Variants in CLK4 observed in about 807,000 individuals in gnomAD.
CLK4 encodes the protein dual specificity protein kinase CLK4.
A neutral mutation model predicts 64.4 loss-of-function variants in CLK4; 37 were observed. The ratio of observed to expected loss-of-function variants is 0.57; its 90% confidence interval spans 0.44 to 0.76. The LOEUF (loss-of-function observed/expected upper bound fraction) is 0.76. Ranked by LOEUF, CLK4 falls within the 30% of genes least tolerant of loss-of-function variation. The pLI is 0.00. For missense variants in CLK4, 457 were observed against 605.1 expected (o/e 0.76, Z 2.57); for synonymous variants, 175 against 191.6 (o/e 0.91, Z 0.72).
At chr5:178,620,880 G>A (rs1439189000) in intron 2 of CLK4, among the ~76,000 whole-genome samples, 4 of 152,194 alleles carry the variant, frequency 2.6e-5, no homozygotes, top group African/African-American at 9.6e-5. Flanking sequence ...GATGGAAATA[G>A]AGTTGCATCT....
Position 178,618,757 on chromosome 5 carries a change from G to A in CLK4, c.183C>T (p.Ser61=), listed in dbSNP as rs144487014. 9 of 1,612,880 alleles carry A rather than the reference G, an allele frequency of 5.6e-6. No individual in the cohort carries two copies. In the African/African-American group the frequency reaches 1.2e-4, roughly 22 times the overall value. Residue 61 remains serine, a synonymous_variant, in exon 3 of 13, where the codon TCC becomes TCT. Transcript: ENST00000316308. ...GGTCCCGATAATCTCGCTCATTCAA[G>A]GACCTTGCTTCTAAATAATGACTGC... ...ESDCHYLEAR[S]LNERDYRDRR... is the part of the protein sequence containing the mutation.
chr5:178,619,778 A>G, intron 2 of CLK4: 1 of 1,287,258 alleles, frequency 7.8e-7, no homozygotes, highest in Non-Finnish European at 1.0e-6. Context: ...AGTGGCCTTG[A>G]TCTGATGGAA....
At chr5:178,618,843 A>C in intron 2 of CLK4, 65 bp from the exon 3 acceptor site, 1 of 1,312,662 alleles carries the variant, frequency 7.6e-7, no homozygotes, top group South Asian at 1.3e-5. Context: ...TTCAAACAAA[A>C]CATTTTCTCA....
chr5:178,625,492 T>C (rs1274558416), intron 1 of CLK4, among the ~76,000 whole-genome samples: 1 of 150,284 alleles, frequency 6.7e-6, no homozygotes, highest in Non-Finnish European at 1.5e-5. Context: ...TTCCGTCAAA[T>C]ACCAAAGTTG....
At position 178,613,557 on chromosome 5, in the gene CLK4, CG is replaced by C; in HGVS notation, c.741del (p.Tyr247Ter). The C allele has an allele frequency of 1.2e-6, 2 of 1,612,282 alleles. No individual in the cohort carries two copies. The highest frequency in any genetic ancestry group is 1.7e-6 in the Non-Finnish European group (2 of 1,179,314). On this transcript the variant is annotated frameshift_variant, in exon 7 of 13. Transcript: ENST00000316308. LOFTEE classifies it high-confidence loss of function. ...AGAAAGCTGTTTTCTTTAATGAAATCGTAAGTACTAAGTCCCAGTAGTTCAA... is the reference window on the plus strand; with the variant it reads ...AGAAAGCTGTTTTCTTTAATGAAATCTAAGTACTAAGTCCCAGTAGTTCAA... ...IVFELLGLSTYDFIKENSFLP... is the reference protein window; with the variant it reads ...IVFELLGLSTXDFIKENSFLP...
At chr5:178,621,048 A>T (rs1048107064) in intron 2 of CLK4, among the ~76,000 whole-genome samples, 3 of 152,240 alleles carry the variant, frequency 2.0e-5, no homozygotes, top group African/African-American at 7.2e-5. Flanking sequence ...AATCCCAGCA[A>T]GAGCAATTTT....
chr5:178,620,244 G>A (rs906096416), intron 2 of CLK4: 1 of 248,356 alleles, frequency 4.0e-6, no homozygotes, highest in African/African-American at 2.2e-5. Context: ...GCTTGGAACT[G>A]TCAGGGAGAG....
At position 178,603,574 on chromosome 5, in the gene CLK4, A is replaced by T. The variant is rs1764416882; in HGVS notation, c.*43T>A. 2.1e-6 allele frequency: 3 copies of T among 1,401,988 alleles called. No individual in the cohort carries two copies. Among genetic ancestry groups the T allele is most frequent in the South Asian group, 3.1e-5 (2 of 65,130 alleles). 86.8% of individuals were successfully genotyped at this position (1,401,988 alleles called of 1,614,324 possible). On this transcript the variant is annotated 3_prime_UTR_variant, in exon 13 of 13. Transcript: ENST00000316308. Reference sequence around the variant, plus strand: ...TAGTTGACTGACACAGTCTTAAGTAATCTCTTCTAGAGAAGTATATAGTAA... The same window carrying T: ...TAGTTGACTGACACAGTCTTAAGTATTCTCTTCTAGAGAAGTATATAGTAA...
intron 11 of CLK4, 28 bp downstream of exon 11, chr5:178,605,275 A>T: frequency 1.4e-6 from 2 of 1,436,602 alleles, no homozygotes; most frequent in Non-Finnish European, 1.9e-6. Context: ...GCACATATCC[A>T]ACAAAAGTCT....
intron 10 of CLK4, among the ~76,000 whole-genome samples, chr5:178,607,231 T>C (rs552894969): frequency 6.6e-6 from 1 of 152,240 alleles, no homozygotes; most frequent in Admixed American, 6.5e-5. Context: ...CACTGACTTC[T>C]AGGATCAAAC....
At chr5:178,613,354 G>A (rs1764584009) in intron 7 of CLK4, 119 bp downstream of exon 7, 3 of 609,440 alleles carry the variant, frequency 4.9e-6, no homozygotes, top group Non-Finnish European at 7.1e-6. Context: ...CCGGGAGGCT[G>A]AGCTTGCTGG....
rs546233141 is a variant in CLK4, at chr5:178,626,672, G to A, written c.-1+274C>T. On this transcript the variant is annotated intron_variant, in intron 1 of 12. Coordinates refer to ENST00000316308, the MANE Select transcript of CLK4 (RefSeq NM_020666.3). ...GAGGTCCCGACAGGGTTAACCAACA[G>A]CCGCGCTCGCCAGGCAGCAGGGGAC... 3.6e-3 allele frequency among the ~76,000 whole-genome samples: 542 copies of A among 151,790 alleles called. 5 individuals carry two copies. The highest frequency in any genetic ancestry group is 6.6e-3 in the Non-Finnish European group (448 of 68,022).
chr5:178,620,854 GAAT>G (rs539265117), intron 2 of CLK4, among the ~76,000 whole-genome samples: 84 of 152,248 alleles, frequency 5.5e-4, no homozygotes, highest in Non-Finnish European at 1.1e-3. Flanking sequence ...AATGGTCAGA[GAAT>G]AATTACAAAA....
In CLK4 at chr5:178,603,698, C is replaced by T. The variant is rs1764418723; in HGVS notation, c.1365G>A (p.Met455Ile). The change falls in exon 13 of 13, where the codon ATG (methionine) becomes ATA (isoleucine). Residue 455 changes from methionine (M) to isoleucine (I), a missense_variant. By Grantham distance (10) the Met-to-Ile change is conservative. Coordinates refer to ENST00000316308, the MANE Select transcript of CLK4 (RefSeq NM_020666.3). ...TTCTTTGAGTTGGATCATATTCTAACATTCTTCGAACCAGGTCAAACAGTT... is the reference window on the plus strand; with the variant it reads ...TTCTTTGAGTTGGATCATATTCTAATATTCTTCGAACCAGGTCAAACAGTT... ...HEKLFDLVRRMLEYDPTQRIT... is the reference protein window; with the variant it reads ...HEKLFDLVRRILEYDPTQRIT... 6.2e-7 allele frequency: 1 copy of T among 1,606,850 alleles called. No homozygotes were observed. Among genetic ancestry groups the T allele is most frequent in the Admixed American group, 1.7e-5 (1 of 58,282 alleles).
intron 5 of CLK4, among the ~76,000 whole-genome samples, 171 bp from the exon 6 acceptor site, chr5:178,614,014 ATACTT>A (rs1171883140): frequency 1.3e-5 from 2 of 152,360 alleles, no homozygotes; most frequent in South Asian, 2.1e-4. Context: ...TTTTGATAAA[ATACTT>A]TATATGAAGT....
chr5:178,615,737 A>T (rs956704149), intron 5 of CLK4, among the ~76,000 whole-genome samples: 3 of 152,198 alleles, frequency 2.0e-5, no homozygotes, highest in Admixed American at 1.3e-4. Context: ...ATGATAAAAA[A>T]TTTTGTCATT....
chr5:178,606,885 G>A lies in CLK4; in HGVS notation c.1134+1491C>T, dbSNP rs529578514. 7.9e-5 allele frequency among the ~76,000 whole-genome samples: 12 copies of A among 151,744 alleles called. No homozygotes were observed. In the South Asian group the frequency reaches 8.3e-4, roughly 11 times the overall value. On this transcript the variant is annotated intron_variant, in intron 10 of 12. Transcript: ENST00000316308. ...TGAGACATGAGAATCACTTGAACCCGGGAGGCAGAGGTTGCAGTGAGCTGA... is the reference window on the plus strand; with the variant it reads ...TGAGACATGAGAATCACTTGAACCCAGGAGGCAGAGGTTGCAGTGAGCTGA...
intron 11 of CLK4, chr5:178,604,495 G>A (rs964688282): frequency 2.0e-5 from 3 of 149,788 alleles, no homozygotes; most frequent in Non-Finnish European, 3.0e-5. Context: ...TTGTTTACTA[G>A]ATCAGTGGTC....
At chr5:178,622,450 A>C in intron 2 of CLK4, 1 of 985,916 alleles carries the variant, frequency 1.0e-6, no homozygotes, top group Non-Finnish European at 1.2e-6. Context: ...AAACAGTCCC[A>C]ATGGAACATC....
Sources: allele counts gnomAD v4.1 joint callset (sites outside exome capture counted in the v4.1 genomes callset), GRCh38; gene constraint gnomAD v4.1.1; transcripts MANE v1.5; gene names NCBI Gene and HGNC (gene_info 2026-07-23, HGNC 2026-07-21).